EML1: variants seen among roughly 807,000 people sequenced by gnomAD.
EML1 encodes EMAP like 1, also known as echinoderm microtubule-associated protein-like 1.
Under a neutral mutation model 110.4 loss-of-function variants are expected in EML1, and 27 were observed. The observed-to-expected ratio is 0.24, with a 90% CI of 0.18 to 0.34. The LOEUF (loss-of-function observed/expected upper bound fraction) is 0.34. Ranked by LOEUF, EML1 falls within the 10% of genes least tolerant of loss-of-function variation. The probability of loss-of-function intolerance (pLI) is 1.00; values close to 1 mark genes in which losing one functional copy is unlikely to be tolerated. For synonymous variants in EML1, 344 were observed against 385.8 expected, an observed-to-expected ratio of 0.89 and a Z score of 1.27; for missense variants, 741 against 1,030.9, an observed-to-expected ratio of 0.72 and a Z score of 3.85.
chr14:99,876,227 A>T (rs2059289102), intron 3 of EML1, among the ~76,000 whole-genome samples: 1 of 152,048 alleles, frequency 6.6e-6, no homozygotes, highest in Non-Finnish European at 1.5e-5. Flanking sequence ...CCTGGATGGG[A>T]GGCTTGTCAT....
At chr14:99,840,101 C>T (rs1028259479) in intron 1 of EML1, among the ~76,000 whole-genome samples, 7 of 152,286 alleles carry the variant, frequency 4.6e-5, no homozygotes, top group South Asian at 2.1e-4. Context: ...ATAACTATTC[C>T]GTGAACAACG....
chr14:99,927,009 A>G (rs145630572), intron 17 of EML1, among the ~76,000 whole-genome samples: 2 of 152,262 alleles, frequency 1.3e-5, no homozygotes, highest in Non-Finnish European at 2.9e-5. Flanking sequence ...TGGCCTTCCA[A>G]AGTGCTGGGA....
intron 1 of EML1, among the ~76,000 whole-genome samples, chr14:99,794,296 C>G (rs1473456845): frequency 6.6e-6 from 1 of 150,866 alleles, no homozygotes; most frequent in African/African-American, 2.4e-5. Context: ...AATATTTTAT[C>G]AGAACATGAT....
In EML1 at chr14:99,935,753, G is replaced by A. The variant is rs185933135; in HGVS notation, c.1910-276G>A. ...AGTCGAGATCGCACCACTGCACTCC[G>A]GCCTGGCGACAGAGCGAGACTCCGT... On this transcript the variant is annotated intron_variant, in intron 17 of 21. Transcript: ENST00000262233. Among the ~76,000 whole-genome samples, 1,239 of 146,174 alleles carry A rather than the reference G, an allele frequency of 8.5e-3. 23 individuals are homozygous for A. The highest frequency in any genetic ancestry group is 0.029 in the African/African-American group (1,130 of 38,496).
intron 8 of EML1, among the ~76,000 whole-genome samples, chr14:99,899,126 A>G (rs969616633): frequency 2.0e-5 from 3 of 152,086 alleles, no homozygotes; most frequent in African/African-American, 4.8e-5. Flanking sequence ...GGCGTTAGAG[A>G]GGGAGCTTGT....
rs532177206 is a variant in EML1 at position 99,799,749 on chromosome 14, C to T, written c.67+6206C>T. Among the ~76,000 whole-genome samples the T allele has an allele frequency of 4.6e-5, 7 of 152,264 alleles. No homozygotes were observed. The East Asian group carries it at 1.2e-3, about 25-fold the overall frequency. On this transcript the variant is annotated intron_variant, in intron 1 of 21. Transcript: ENST00000262233. The stretch of plus-strand genomic sequence containing the variant: ...TTGTCCATTTCTGGGATAGTGTAAA[C>T]CTTTTCACATATTCTCTTAAAAAAC...
chr14:99,759,738 T>C (rs911736823), intron 1 of EML1, among the ~76,000 whole-genome samples: 2 of 152,174 alleles, frequency 1.3e-5, no homozygotes, highest in Non-Finnish European at 1.5e-5. Flanking sequence ...CTGCGCAGGC[T>C]GAGCTGAGCC....
intron 1 of EML1, among the ~76,000 whole-genome samples, chr14:99,752,800 G>C (rs2057191660): frequency 6.6e-6 from 1 of 152,180 alleles, no homozygotes; most frequent in Non-Finnish European, 1.5e-5. Flanking sequence ...GGAAGCACAG[G>C]GGGCCTGGTT....
chr14:99,882,190 C>G (rs1361959181), intron 4 of EML1, among the ~76,000 whole-genome samples: 4 of 152,062 alleles, frequency 2.6e-5, no homozygotes, highest in African/African-American at 9.7e-5. Context: ...TCATGAAATA[C>G]TACATTTAAA....
chr14:99,802,531 G>A (rs990591838), intron 1 of EML1, among the ~76,000 whole-genome samples: 2 of 151,742 alleles, frequency 1.3e-5, no homozygotes, highest in African/African-American at 2.4e-5. Flanking sequence ...ATACTTAGTG[G>A]GTAACATCCT....
intron 1 of EML1, among the ~76,000 whole-genome samples, chr14:99,762,391 G>A (rs1277102392): frequency 2.0e-5 from 3 of 152,032 alleles, no homozygotes; most frequent in Admixed American, 6.5e-5. Flanking sequence ...GAAGCCCCTC[G>A]CACCCTCCTC....
At chr14:99,755,847 A>G (rs1285040387) in intron 1 of EML1, among the ~76,000 whole-genome samples, 2 of 152,086 alleles carry the variant, frequency 1.3e-5, no homozygotes, top group Admixed American at 1.3e-4. Flanking sequence ...CTGAGGAGGC[A>G]GGGGGCAGGA....
At chr14:99,763,278 A>AC (rs1483636828) in intron 1 of EML1, among the ~76,000 whole-genome samples, 1 of 152,226 alleles carries the variant, frequency 6.6e-6, no homozygotes, top group Non-Finnish European at 1.5e-5. Context: ...CAGTGCAACT[A>AC]ATACAGTGTG....
chr14:99,757,721 C>T (rs2057272782), intron 1 of EML1, among the ~76,000 whole-genome samples: 1 of 152,182 alleles, frequency 6.6e-6, no homozygotes, highest in African/African-American at 2.4e-5. Context: ...TTTGGGAAAA[C>T]TTTTAAGCTC....
chr14:99,876,260 T>C (rs971527831), intron 3 of EML1, among the ~76,000 whole-genome samples: 3 of 152,120 alleles, frequency 2.0e-5, no homozygotes, highest in African/African-American at 7.2e-5. Context: ...AGGGAGGACG[T>C]TGAGCTTCAG....
In EML1 at chr14:99,898,140, T is replaced by C. The variant is rs951533049; in HGVS notation, c.828-93T>C. ...AAGAAGTTAGGCATTATATATTTCT[T>C]ATATTTAAATTTTTGACTAGATTAT... is the stretch of plus-strand genomic sequence containing the variant. On this transcript the variant is annotated intron_variant, in intron 7 of 21. Transcript: ENST00000262233. 7 of 1,058,740 alleles carry C rather than the reference T, an allele frequency of 6.6e-6. No homozygotes were observed. The African/African-American group carries it at 1.1e-4, about 17-fold the overall frequency. The allele number at this position is 1,058,740 out of a possible 1,614,324, so 65.6% of individuals were successfully genotyped here. A position where few individuals can be genotyped will look rare whatever the true frequency, so the allele number is the denominator to read the frequency against.
intron 1 of EML1, among the ~76,000 whole-genome samples, chr14:99,839,736 C>A (rs2058603165): frequency 6.6e-6 from 1 of 152,188 alleles, no homozygotes; most frequent in Non-Finnish European, 1.5e-5. Flanking sequence ...AACATTAGTT[C>A]TTGAGCTTCA....
chr14:99,770,194 C>G (rs1397015217), upstream of EML1, among the ~76,000 whole-genome samples: 3 of 152,208 alleles, frequency 2.0e-5, no homozygotes, highest in Non-Finnish European at 1.5e-5. Flanking sequence ...GTGGATAAAA[C>G]AAGAGACATT....
intron 1 of EML1, among the ~76,000 whole-genome samples, chr14:99,749,132 G>A (rs1243959012): frequency 6.6e-6 from 1 of 152,234 alleles, no homozygotes; most frequent in African/African-American, 2.4e-5. Context: ...TCGTGTACCA[G>A]TTTCTGTGTG....
Sources: gnomAD v4.1 joint callset for allele counts (sites outside exome capture counted in the v4.1 genomes callset) on GRCh38, gnomAD v4.1.1 for gene constraint, MANE v1.5 for transcripts, NCBI Gene and HGNC (gene_info 2026-07-23, HGNC 2026-07-21) for gene names.